Variants in PARP15 observed in about 807,000 individuals in gnomAD.
PARP15 encodes the protein poly(ADP-ribose) polymerase family member 15, also known as protein mono-ADP-ribosyltransferase PARP15.
PARP15 carries 50 observed loss-of-function variants against 62.1 expected under a neutral mutation model. That is an observed-to-expected ratio of 0.81 (90% confidence interval 0.64 to 1.02). The LOEUF is 1.02. PARP15 is among the 50% of genes least tolerant of loss of function. The pLI is 0.00. For missense variants in PARP15, 820 were observed against 826.5 expected (o/e 0.99, Z 0.10); for synonymous variants, 309 against 293.1 (o/e 1.05, Z -0.55).
chr3:122,600,251 T>C (rs1265212285), intron 1 of PARP15, among the ~76,000 whole-genome samples: 2 of 151,902 alleles, frequency 1.3e-5, no homozygotes, highest in African/African-American at 4.8e-5. Context: ...TTAAGAAAAA[T>C]ATGGGAGAAA....
At chr3:122,632,500 T>C (rs1937116714) in intron 10 of PARP15, among the ~76,000 whole-genome samples, 3 of 152,204 alleles carry the variant, frequency 2.0e-5, no homozygotes, top group Non-Finnish European at 4.4e-5. Flanking sequence ...TGGAAATTAA[T>C]GGAAAGTCCC....
intron 6 of PARP15, among the ~76,000 whole-genome samples, chr3:122,619,103 T>C (rs1429722183): frequency 6.6e-6 from 1 of 152,270 alleles, no homozygotes; most frequent in Non-Finnish European, 1.5e-5. Flanking sequence ...TGCCGGCTTC[T>C]GTGCTAAGCA....
chr3:122,597,755 A>G (rs1380897662), intron 1 of PARP15, among the ~76,000 whole-genome samples: 1 of 152,154 alleles, frequency 6.6e-6, no homozygotes, highest in Non-Finnish European at 1.5e-5. Context: ...GCATATTATA[A>G]TATACACAGA....
intron 1 of PARP15, among the ~76,000 whole-genome samples, chr3:122,580,294 C>T (rs771938218): frequency 5.9e-5 from 9 of 151,752 alleles, no homozygotes; most frequent in Non-Finnish European, 1.2e-4. Context: ...ATTTTCTCCT[C>T]GGAGTTCTCT....
At chr3:122,635,255 T>C (rs1317633043) in intron 11 of PARP15, 61 bp downstream of exon 11, 6 of 1,508,166 alleles carry the variant, frequency 4.0e-6, no homozygotes, top group East Asian at 2.3e-5. Flanking sequence ...AGACTTTTCA[T>C]ACCCAAGCAG....
rs370421357 is a variant in PARP15, at chr3:122,632,253, G to A, written c.1572+34G>A. On this transcript the variant is annotated intron_variant, in intron 10 of 11. Transcript: ENST00000464300. ...GTGTTAAAATTTACTGTTCAAAAAT[G>A]TTGATGAACTAACATAAAAGCTATC... 8.8e-6 allele frequency: 14 copies of A among 1,591,018 alleles called. No homozygotes were observed. The African/African-American group carries it at 1.9e-4, about 21-fold the overall frequency.
intron 9 of PARP15, among the ~76,000 whole-genome samples, chr3:122,630,247 T>G (rs773636357): frequency 3.3e-5 from 5 of 152,198 alleles, no homozygotes; most frequent in Non-Finnish European, 7.3e-5. Flanking sequence ...CTCTGTTTTC[T>G]CTCCTCTAAA....
rs1403074481 is a variant in PARP15 at position 122,617,085 on chromosome 3, G to A, written c.921G>A (p.Gln307=). The change falls in exon 6 of 12, where the codon CAG becomes CAA. Residue 307 remains glutamine, a synonymous_variant. Transcript: ENST00000464300. ...TGAAAATCGGTGCAATTACTTTTCA[G>A]GTTGCTACTGGAGATATAGCCACTG... ...YEMKIGAITF[Q]VATGDIATEQ... is the part of the protein sequence containing the mutation. 6.2e-7 allele frequency: 1 copy of A among 1,613,928 alleles called. No homozygotes were observed. The highest frequency in any genetic ancestry group is 1.3e-5 in the African/African-American group (1 of 74,886).
chr3:122,608,207 T>A (rs1935297327), intron 2 of PARP15, among the ~76,000 whole-genome samples: 1 of 140,592 alleles, frequency 7.1e-6, no homozygotes, highest in Admixed American at 6.9e-5. Flanking sequence ...TTTTTCTTTC[T>A]CTTTTCTTTT....
intron 8 of PARP15, among the ~76,000 whole-genome samples, chr3:122,622,949 T>C (rs940998864): frequency 1.3e-5 from 2 of 152,194 alleles, no homozygotes; most frequent in Non-Finnish European, 2.9e-5. Flanking sequence ...AGCTCAACTC[T>C]GTAGACTTCC....
chr3:122,606,061 T>G lies in PARP15; in HGVS notation c.306+6T>G. On this transcript the variant is annotated splice_donor_region_variant and intron_variant, in intron 2 of 11. Coordinates refer to ENST00000464300, the MANE Select transcript of PARP15 (RefSeq NM_001113523.3). Reference sequence around the variant, plus strand: ...GAGATGTTCTGTACATCTGGGTAGGTGATGCCATTTAATAAATCTACCAAG... The same window carrying G: ...GAGATGTTCTGTACATCTGGGTAGGGGATGCCATTTAATAAATCTACCAAG... 6.4e-7 allele frequency: 1 copy of G among 1,551,104 alleles called. No homozygotes were observed. The highest frequency in any genetic ancestry group is 8.7e-7 in the Non-Finnish European group (1 of 1,146,448).
chr3:122,626,892 T>C lies in PARP15; in HGVS notation c.1297T>C (p.Ser433Pro), dbSNP rs373751349. 6.3e-5 allele frequency: 102 copies of C among 1,614,016 alleles called. No individual in the cohort carries two copies. Among genetic ancestry groups the C allele is most frequent in the Admixed American group, 1.3e-4 (8 of 60,004 alleles). The change falls in exon 9 of 12, where the codon TCA (serine) becomes CCA (proline). Residue 433 changes from serine (S) to proline (P), a missense_variant. By Grantham distance (74) the Ser-to-Pro change is moderately conservative. Around this residue, in one of 3 missense-constraint regions of PARP15, gnomAD observed 731 missense variants for 727.7 expected, o/e 1.00. Coordinates refer to ENST00000464300, the MANE Select transcript of PARP15 (RefSeq NM_001113523.3). ...NIIDAIVDFS[S>P]QHSTPSLKTV... ...AATCGATGCTATTGTAGACTTCTCA[T>C]CACAACATTCCACCCCATCATTAAA...
At chr3:122,588,023 A>C (rs946589978) in intron 1 of PARP15, among the ~76,000 whole-genome samples, 2 of 152,126 alleles carry the variant, frequency 1.3e-5, no homozygotes, top group Non-Finnish European at 2.9e-5. Context: ...TATCAGATAT[A>C]TCTTTTGCAA....
intron 8 of PARP15, among the ~76,000 whole-genome samples, chr3:122,622,323 A>C (rs766367096): frequency 1.3e-5 from 2 of 152,074 alleles, no homozygotes; most frequent in African/African-American, 4.8e-5. Context: ...CAAACTCATG[A>C]TCCTCTCTTG....
intron 1 of PARP15, among the ~76,000 whole-genome samples, chr3:122,603,581 T>C (rs1471564169): frequency 6.6e-6 from 1 of 152,106 alleles, no homozygotes; most frequent in Non-Finnish European, 1.5e-5. Context: ...GTAACACAAT[T>C]AAAGACAATA....
intron 6 of PARP15, among the ~76,000 whole-genome samples, chr3:122,618,132 T>C (rs1008241059): frequency 6.6e-6 from 1 of 152,234 alleles, no homozygotes; most frequent in Non-Finnish European, 1.5e-5. Context: ...AAAAATATTA[T>C]GGAACTTACC....
intron 2 of PARP15, among the ~76,000 whole-genome samples, chr3:122,607,539 A>G (rs192077836): frequency 7.2e-5 from 11 of 152,338 alleles, no homozygotes; most frequent in African/African-American, 2.4e-4. Flanking sequence ...CAAAAAAATG[A>G]TAGCTATTAT....
chr3:122,578,265 A>C (rs1441566953), intron 1 of PARP15, among the ~76,000 whole-genome samples: 1 of 151,816 alleles, frequency 6.6e-6, no homozygotes, highest in African/African-American at 2.4e-5. Flanking sequence ...TGACGTCTAG[A>C]CTTTTAGTCA....
Position 122,599,715 on chromosome 3 carries a change from A to G in PARP15, c.187-6221A>G, listed in dbSNP as rs1486430419. On this transcript the variant is annotated intron_variant, in intron 1 of 11. Transcript: ENST00000464300. ...CAGCCTCCAGCATAGCTGGGATTAC[A>G]GGTGTGCACCACCAAGCCCAGCTAA... 2.6e-5 allele frequency among the ~76,000 whole-genome samples: 4 copies of G among 152,218 alleles called. No homozygotes were observed. In the East Asian group the frequency reaches 7.7e-4, roughly 29 times the overall value.
Sources: gnomAD v4.1 joint callset for allele counts (sites outside exome capture counted in the v4.1 genomes callset) on GRCh38, gnomAD v4.1.1 for gene constraint, gnomAD v4.1.1 regional missense constraint, MANE v1.5 for transcripts, NCBI Gene and HGNC (gene_info 2026-07-23, HGNC 2026-07-21) for gene names.